ABCC8: variants seen among roughly 807,000 people sequenced by gnomAD.
ABCC8 encodes the protein ATP-binding cassette sub-family C member 8.
ABCC8 carries 137 observed loss-of-function variants against 188.0 expected under a neutral mutation model. The observed-to-expected ratio is 0.73, with a 90% CI of 0.63 to 0.84. The LOEUF (loss-of-function observed/expected upper bound fraction) is 0.84, where lower values mean the gene tolerates loss of function less well. Among genes scored for constraint, ABCC8 ranks in the 40% least tolerant of loss-of-function variants. The pLI, the probability that ABCC8 is intolerant of heterozygous loss-of-function variation, is 0.00. For synonymous variants in ABCC8, 797 were observed against 846.5 expected (o/e 0.94, Z 1.01); for missense variants, 1,750 against 2,072.7 (o/e 0.84, Z 3.02).
chr11:17,396,784 T>C (rs1953950928), intron 33 of ABCC8, 132 bp downstream of exon 33: 1 of 1,172,932 alleles, frequency 8.5e-7, no homozygotes, highest in Admixed American at 2.0e-5. Context: ...GGCAGGAGAC[T>C]GCGATGTCTG....
At chr11:17,463,652 T>C (rs755438262) in intron 3 of ABCC8, 48 bp from the exon 4 acceptor site, 299 of 1,552,900 alleles carry the variant, frequency 1.9e-4, no homozygotes, top group Non-Finnish European at 2.5e-4. Flanking sequence ...GCATCATGTG[T>C]GTACACTCAC....
At position 17,428,370 on chromosome 11, in the gene ABCC8, C is replaced by A; in HGVS notation, c.1959G>T (p.Arg653=). 2 of 1,614,128 alleles carry A rather than the reference C, an allele frequency of 1.2e-6. No homozygotes were observed. Among genetic ancestry groups the A allele is most frequent in the Non-Finnish European group, 1.7e-6 (2 of 1,179,994 alleles). The stretch of plus-strand genomic sequence containing the variant: ...GGCCGGTGAGGCCCCGACAATCCTC[C>A]CGGGCTGGACGCTTGCGGTTCACAA... The part of the protein sequence containing the change: ...LRVVNRKRPA[R]EDCRGLTGPL... Residue 653 remains arginine, a synonymous_variant, in exon 14 of 39, where the codon CGG becomes CGT. Transcript: ENST00000389817.
chr11:17,406,767 C>T lies in ABCC8; in HGVS notation c.3184G>A (p.Val1062Ile), dbSNP rs577006104. ...LSQECTLDQT[V>I]YAMVFTVLCS... ...AGCACCGTGAACACCATGGCATAGA[C>T]AGTCTGGTCGAGGGTGCACTCCTTC... Residue 1062 changes from valine (V) to isoleucine (I), a missense_variant, in exon 26 of 39, where the codon GTC (valine) becomes ATC (isoleucine). Transcript: ENST00000389817. 11 of 1,614,232 alleles carry T rather than the reference C, an allele frequency of 6.8e-6. No homozygotes were observed. The South Asian group carries it at 9.9e-5, about 15-fold the overall frequency.
rs996167203 is a variant in ABCC8, at chr11:17,404,063, G to A, written c.3557+449C>T. Among the ~76,000 whole-genome samples, 13 of 152,252 alleles carry A rather than the reference G, an allele frequency of 8.5e-5. No individual in the cohort carries two copies. In the South Asian group the frequency reaches 1.2e-3, roughly 15 times the overall value. On this transcript the variant is annotated intron_variant, in intron 28 of 38. Transcript: ENST00000389817. This position sits in a 1 kb window ranked among gnomAD's most constrained non-coding sequence, Gnocchi z 4.7. ...TGATCCATGAGAATGGCTGTGAGAG[G>A]CTCCCTCAAGTCAAGGCTTACAGCT...
rs1957184700 is a variant in ABCC8, at chr11:17,461,457, C to A, written c.822+126G>T. On this transcript the variant is annotated intron_variant, in intron 5 of 38. Transcript: ENST00000389817. ...CTGTGTGACTTAAGGCAAGCTTCTT[C>A]CCCTCACCAGCCTCAGTTTCCCCTC... 2.4e-6 allele frequency: 3 copies of A among 1,271,264 alleles called. No individual in the cohort carries two copies. In the African/African-American group the frequency reaches 4.4e-5, roughly 19 times the overall value. 78.7% of individuals were successfully genotyped at this position (1,271,264 alleles called of 1,614,324 possible).
In ABCC8 at chr11:17,396,823, C is replaced by A. The variant is rs4148644; in HGVS notation, c.4119+93G>T. On this transcript the variant is annotated intron_variant, in intron 33 of 38. Coordinates refer to ENST00000389817, the MANE Select transcript of ABCC8 (RefSeq NM_000352.6). ...AGTGAGAGGCCTCGGCCCTGGAGGG[C>A]CACGAGGTGACTGCGAAGCCATCCA... The A allele has an allele frequency of 0.2, 300,774 of 1,518,302 alleles. 31,212 individuals are homozygous for A. Among genetic ancestry groups the A allele is most frequent in the African/African-American group, 0.28 (20,242 of 72,598 alleles). 94.1% of individuals were successfully genotyped at this position (1,518,302 alleles called of 1,614,324 possible).
At chr11:17,443,574 C>T (rs886446964) in intron 8 of ABCC8, 9 of 497,032 alleles carry the variant, frequency 1.8e-5, no homozygotes, top group Admixed American at 1.3e-4. Context: ...CTGGTTGAAG[C>T]CTTAACTCTC....
rs17846719 is a variant in ABCC8, at chr11:17,393,596, A to C, written c.4608+101T>G. On this transcript the variant is annotated intron_variant, in intron 38 of 38. Transcript: ENST00000389817. ...CCTGCTTCAGGGTTCTTTCTTGATT[A>C]CTGGGACCAGGCAAGCCCAGGGGCT... is the stretch of plus-strand genomic sequence containing the variant. 0.097 allele frequency: 151,407 copies of C among 1,557,000 alleles called. 12,820 individuals carry two copies. Among genetic ancestry groups the C allele is most frequent in the African/African-American group, 0.43 (31,947 of 73,754 alleles).
At position 17,436,106 on chromosome 11, in the gene ABCC8, T is replaced by G. The variant is rs1319027085; in HGVS notation, c.1631-3862A>C. ...GCTGTGATTCCCAAAGGAACAGCAT[T>G]TCTGGTACAGAGCTGAGGGCTAAAG... On this transcript the variant is annotated intron_variant, in intron 10 of 38. Transcript: ENST00000389817. 2.9e-5 allele frequency: 24 copies of G among 826,836 alleles called. 1 individual carries two copies. In the East Asian group the frequency reaches 5.6e-4, roughly 19 times the overall value. The allele number at this position is 826,836 out of a possible 1,614,324, so 51.2% of individuals were successfully genotyped here.
At chr11:17,431,504 C>A (rs745322000) in intron 11 of ABCC8, among the ~76,000 whole-genome samples, 2 of 152,196 alleles carry the variant, frequency 1.3e-5, no homozygotes, top group Admixed American at 6.5e-5. Flanking sequence ...ACACTGGCCC[C>A]GGGGGAAATA....
At position 17,404,869 on chromosome 11, in the gene ABCC8, C is replaced by T. The variant is rs1329397942; in HGVS notation, c.3400-200G>A. ...CTCTGCCCCTTGGGTTCAAATGATTCTCCTGCCTCAGCTTCCCAAGTAGTT... is the reference window on the plus strand; with the variant it reads ...CTCTGCCCCTTGGGTTCAAATGATTTTCCTGCCTCAGCTTCCCAAGTAGTT... On this transcript the variant is annotated intron_variant, in intron 27 of 38. Transcript: ENST00000389817. The surrounding 1 kb of genome is among the most constrained non-coding windows in gnomAD (Gnocchi z 4.7). 2.8e-6 allele frequency: 1 copy of T among 362,826 alleles called. No individual in the cohort carries two copies. The highest frequency in any genetic ancestry group is 2.2e-5 in the African/African-American group (1 of 45,186). The allele number at this position is 362,826 out of a possible 1,614,324, so 22.5% of individuals were successfully genotyped here.
intron 6 of ABCC8, among the ~76,000 whole-genome samples, chr11:17,459,348 C>G (rs902648652): frequency 6.6e-6 from 1 of 152,174 alleles, no homozygotes. Context: ...ATAACTATTG[C>G]TTTCATATTC....
intron 12 of ABCC8, chr11:17,430,384 G>A (rs1955789928): frequency 6.0e-6 from 2 of 335,080 alleles, no homozygotes; most frequent in South Asian, 2.5e-5. Context: ...TGTGGAAAGG[G>A]TAGGGGATAC....
chr11:17,431,652 G>A (rs1264307151), intron 11 of ABCC8, among the ~76,000 whole-genome samples: 1 of 152,262 alleles, frequency 6.6e-6, no homozygotes. Flanking sequence ...CTCACACACA[G>A]CTTTTATCAA....
intron 16 of ABCC8, among the ~76,000 whole-genome samples, chr11:17,418,583 C>T (rs904821120): frequency 3.9e-5 from 6 of 152,208 alleles, no homozygotes; most frequent in African/African-American, 1.4e-4. Flanking sequence ...ATAAGCTTAT[C>T]TCTGGAGTCT....
At chr11:17,461,388 T>G (rs1957182543) in intron 5 of ABCC8, 195 bp downstream of exon 5, 1 of 699,218 alleles carries the variant, frequency 1.4e-6, no homozygotes, top group Admixed American at 2.3e-5. Flanking sequence ...ATTCCAACTG[T>G]GCCTGTCCTA....
rs1015945733 is a variant in ABCC8 at position 17,414,710 on chromosome 11, G to A, written c.2292-100C>T. On this transcript the variant is annotated intron_variant, in intron 18 of 38. Coordinates refer to ENST00000389817, the MANE Select transcript of ABCC8 (RefSeq NM_000352.6). ...CTGATGGCTCAGATGGAGGCAAGGGGATGGGGAGGTGCAGTTGGTAGAAAT... is the reference window on the plus strand; with the variant it reads ...CTGATGGCTCAGATGGAGGCAAGGGAATGGGGAGGTGCAGTTGGTAGAAAT... 1.2e-4 allele frequency: 183 copies of A among 1,580,800 alleles called. 1 individual carries two copies. The Admixed American group carries it at 1.8e-3, about 16-fold the overall frequency.
At chr11:17,453,910 T>C (rs1193902951) in intron 6 of ABCC8, among the ~76,000 whole-genome samples, 1 of 152,196 alleles carries the variant, frequency 6.6e-6, no homozygotes. Context: ...AGATCTCAGA[T>C]GGCAACCAGT....
chr11:17,430,547 GT>G lies in ABCC8; in HGVS notation c.1817+266del, dbSNP rs370673339. The G allele has an allele frequency of 0.096, 40,326 of 418,048 alleles. 135 individuals are homozygous for G. The highest frequency in any genetic ancestry group is 0.13 in the Middle Eastern group (179 of 1,416). The allele number at this position is 418,048 out of a possible 1,614,324, so 25.9% of individuals were successfully genotyped here. On this transcript the variant is annotated intron_variant, in intron 12 of 38. Transcript: ENST00000389817. ...GGATTCCACATTTGGCTCAACACTG[GT>G]TTTTTTTTTTTTTTAAGTTGTCGTG...
Sources: gnomAD v4.1 joint callset for allele counts (sites outside exome capture counted in the v4.1 genomes callset) on GRCh38, gnomAD v4.1.1 for gene constraint, Gnocchi (gnomAD v3.1) non-coding constraint, MANE v1.5 for transcripts, NCBI Gene and HGNC (gene_info 2026-07-23, HGNC 2026-07-21) for gene names.